P3H2: variants seen among roughly 807,000 people sequenced by gnomAD.
P3H2 encodes the protein prolyl 3-hydroxylase 2, also known as leprecan-like 1.
In P3H2, 80 loss-of-function variants were observed where a neutral mutation model predicts 87.0. That is an observed-to-expected ratio of 0.92 (90% confidence interval 0.77 to 1.11). P3H2 has a LOEUF of 1.11. Among genes scored for constraint, P3H2 ranks in the 50% least tolerant of loss-of-function variants. P3H2 has a pLI of 0.00. For synonymous variants in P3H2, 367 were observed against 359.3 expected, an observed-to-expected ratio of 1.02 and a Z score of -0.24; for missense variants, 1,001 against 923.9, an observed-to-expected ratio of 1.08 and a Z score of -1.08.
intron 1 of P3H2, among the ~76,000 whole-genome samples, chr3:190,082,910 C>A (rs62279650): frequency 2.0e-5 from 3 of 151,892 alleles, no homozygotes; most frequent in Non-Finnish European, 4.4e-5. Flanking sequence ...GATTGTATAC[C>A]TATATTTATA....
At chr3:189,963,914 A>G in intron 14 of P3H2, 44 bp downstream of exon 14, 1 of 1,611,900 alleles carries the variant, frequency 6.2e-7, no homozygotes. Context: ...AAAGCAGTTC[A>G]TGAAGCAAGC....
chr3:190,120,919 G>C (rs557908613), upstream of P3H2: 56 of 855,066 alleles, frequency 6.5e-5, no homozygotes, highest in Middle Eastern at 3.7e-4. Context: ...CTGGCCAGCC[G>C]CTCTTAAAGG....
intron 1 of P3H2, among the ~76,000 whole-genome samples, chr3:190,002,439 T>C (rs1724246377): frequency 6.6e-6 from 1 of 151,664 alleles, no homozygotes. Flanking sequence ...TCTCGCTCTG[T>C]TGCCAGGCTG....
chr3:190,019,091 C>A (rs571601691), intron 1 of P3H2, among the ~76,000 whole-genome samples: 1 of 152,176 alleles, frequency 6.6e-6, no homozygotes, highest in East Asian at 1.9e-4. Context: ...AAGATAATTG[C>A]CATTCATTTC....
chr3:190,054,833 C>T (rs1029918463), intron 1 of P3H2, among the ~76,000 whole-genome samples: 1 of 152,084 alleles, frequency 6.6e-6, no homozygotes, highest in South Asian at 2.1e-4. Flanking sequence ...GCTTACTACC[C>T]GCCTCTTCTT....
intron 1 of P3H2, among the ~76,000 whole-genome samples, chr3:190,080,704 G>T (rs1417000764): frequency 1.3e-5 from 2 of 151,910 alleles, no homozygotes; most frequent in East Asian, 3.9e-4. Flanking sequence ...GCCCAGCTGA[G>T]ATTTGAGCAT....
chr3:189,972,390 C>T (rs1723203277), intron 11 of P3H2, among the ~76,000 whole-genome samples: 1 of 152,328 alleles, frequency 6.6e-6, no homozygotes, highest in South Asian at 2.1e-4. Flanking sequence ...TAAAAGTCTA[C>T]TCCTATGACA....
chr3:190,041,035 T>C (rs144367870), intron 1 of P3H2, among the ~76,000 whole-genome samples: 539 of 39,742 alleles, frequency 0.014, 9 homozygotes, highest in African/African-American at 0.065. Flanking sequence ...TATATATATA[T>C]ATACACACAC....
chr3:189,989,423 C>G (rs1173712142), intron 3 of P3H2, among the ~76,000 whole-genome samples: 1 of 152,024 alleles, frequency 6.6e-6, no homozygotes, highest in East Asian at 1.9e-4. Flanking sequence ...CTCGAAGTGC[C>G]CTGGAATCGG....
chr3:190,003,904 T>C (rs896656818), intron 1 of P3H2, among the ~76,000 whole-genome samples: 2 of 152,236 alleles, frequency 1.3e-5, no homozygotes, highest in Non-Finnish European at 2.9e-5. Flanking sequence ...CTACTGTTTT[T>C]GGAATCTGCT....
chr3:189,972,188 T>C (rs939317953), intron 11 of P3H2, among the ~76,000 whole-genome samples, 181 bp from the exon 12 acceptor site: 1 of 152,252 alleles, frequency 6.6e-6, no homozygotes, highest in Non-Finnish European at 1.5e-5. Flanking sequence ...GGTTCTGATA[T>C]GAACTGGATG....
intron 1 of P3H2, among the ~76,000 whole-genome samples, chr3:190,019,564 C>CACCTAGGGGTCATAGGT (rs1350613662): frequency 7.4e-6 from 1 of 135,812 alleles, no homozygotes. Context: ...TGCTCATTAT[C>CACCTAGGGGTCATAGGT]GTTTCTATTA....
intron 1 of P3H2, among the ~76,000 whole-genome samples, chr3:190,113,040 C>CA (rs1197017807): frequency 6.6e-6 from 1 of 152,084 alleles, no homozygotes; most frequent in Non-Finnish European, 1.5e-5. Context: ...AATGAAAGTG[C>CA]AGGGTGGAGG....
intron 1 of P3H2, among the ~76,000 whole-genome samples, chr3:190,108,758 A>T (rs1206270211): frequency 6.7e-6 from 1 of 149,370 alleles, no homozygotes; most frequent in Non-Finnish European, 1.5e-5. Flanking sequence ...AAAAGGCCTC[A>T]GTATTTTTTT....
chr3:190,016,619 A>T (rs1307060172), intron 1 of P3H2, among the ~76,000 whole-genome samples: 1 of 152,198 alleles, frequency 6.6e-6, no homozygotes, highest in African/African-American at 2.4e-5. Flanking sequence ...GTTAGAAAAA[A>T]TAATAATAAT....
At chr3:190,046,749 T>C (rs1404295087) in intron 1 of P3H2, among the ~76,000 whole-genome samples, 8 of 152,204 alleles carry the variant, frequency 5.3e-5, no homozygotes, top group African/African-American at 1.4e-4. Context: ...CCAATATTAA[T>C]GTAAATTAAA....
At chr3:190,107,467 T>C (rs1274869038) in intron 1 of P3H2, among the ~76,000 whole-genome samples, 2 of 152,184 alleles carry the variant, frequency 1.3e-5, no homozygotes, top group Admixed American at 6.5e-5. Context: ...ATCCTATCCC[T>C]CATAAATGAC....
At chr3:189,977,626 G>A (rs968614366) in intron 8 of P3H2, among the ~76,000 whole-genome samples, 3 of 152,014 alleles carry the variant, frequency 2.0e-5, no homozygotes, top group African/African-American at 7.2e-5. Context: ...ATTTGACAGG[G>A]TCTCACTGTC....
At chr3:189,969,220 G>T (rs1723097286) in intron 13 of P3H2, 1 of 737,508 alleles carries the variant, frequency 1.4e-6, no homozygotes, top group Non-Finnish European at 2.5e-6. Context: ...TGTCACCATG[G>T]CAATACTCGC....
Sources: allele counts gnomAD v4.1 joint callset (sites outside exome capture counted in the v4.1 genomes callset), GRCh38; gene constraint gnomAD v4.1.1; transcripts MANE v1.5; gene names NCBI Gene and HGNC (gene_info 2026-07-23, HGNC 2026-07-21).